SLC44A2: variants seen among roughly 807,000 people sequenced by gnomAD.
SLC44A2 encodes solute carrier family 44 member 2 (CTL2 blood group), also known as choline transporter-like protein 2.
In SLC44A2, 57 loss-of-function variants were observed where a neutral mutation model predicts 90.8. The observed-to-expected ratio is 0.63, with a 90% CI of 0.51 to 0.78. The LOEUF (loss-of-function observed/expected upper bound fraction) is 0.78, where lower values mean the gene tolerates loss of function less well. Ranked by LOEUF, SLC44A2 falls within the 30% of genes least tolerant of loss-of-function variation. The pLI is 0.00. For missense variants in SLC44A2, 794 were observed against 919.7 expected, an observed-to-expected ratio of 0.86 and a Z score of 1.77; for synonymous variants, 355 against 360.7, an observed-to-expected ratio of 0.98 and a Z score of 0.18.
At chr19:10,614,718 C>A (rs929065138) in intron 1 of SLC44A2, among the ~76,000 whole-genome samples, 1 of 151,980 alleles carries the variant, frequency 6.6e-6, no homozygotes, top group Non-Finnish European at 1.5e-5. Context: ...CGCCGATAAT[C>A]CCAGCACTTT....
chr19:10,610,757 A>G (rs562034272), intron 1 of SLC44A2, among the ~76,000 whole-genome samples: 98 of 143,954 alleles, frequency 6.8e-4, no homozygotes, highest in African/African-American at 2.6e-3. Flanking sequence ...CTCTGGCCTC[A>G]GCCTCCCGAG....
Position 10,635,049 on chromosome 19 carries a change from T to A in SLC44A2, c.1031T>A (p.Ile344Asn). The change falls in exon 12 of 22, where the codon ATT becomes AAT. Residue 344 changes from isoleucine to asparagine, a missense_variant. Coordinates refer to ENST00000335757, the MANE Select transcript of SLC44A2 (RefSeq NM_020428.4). ...IFLRKRILIA[I>N]ALIKEASRAV... The stretch of plus-strand genomic sequence containing the variant: ...CTCCGGAAGAGAATTCTCATCGCGA[T>A]TGCACTCATCAAAGAAGCCAGCAGG... 6.2e-7 allele frequency: 1 copy of A among 1,614,114 alleles called. No individual in the cohort carries two copies. The highest frequency in any genetic ancestry group is 8.5e-7 in the Non-Finnish European group (1 of 1,180,006).
rs1312861726 is a variant in SLC44A2 at position 10,609,887 on chromosome 19, C to T, written c.31+7326C>T. ...AGGGCACAATCTCGGCTGACTGCAG[C>T]CTCTGCCTCCTGGGTTCAAGTTATT... On this transcript the variant is annotated intron_variant, in intron 1 of 21. Coordinates refer to the SLC44A2 transcript ENST00000407327. Among the ~76,000 whole-genome samples, 3 of 152,044 alleles carry T rather than the reference C, an allele frequency of 2.0e-5. No individual in the cohort carries two copies. The East Asian group carries it at 5.8e-4, about 29-fold the overall frequency.
In SLC44A2 at chr19:10,635,200, C is replaced by G; in HGVS notation, c.1093C>G (p.Leu365Val). 1 of 1,614,110 alleles carries G rather than the reference C, an allele frequency of 6.2e-7. No homozygotes were observed. The highest frequency in any genetic ancestry group is 8.5e-7 in the Non-Finnish European group (1 of 1,180,032). The change falls in exon 13 of 22, where the codon CTG (leucine) becomes GTG (valine). Residue 365 changes from leucine to valine, a missense_variant. Leu to Val is a conservative substitution (Grantham distance 32). This residue lies in a region of SLC44A2 where 738 missense variants were observed against 841.1 expected (regional missense o/e 0.88). Transcript: ENST00000335757. ...GYVMCSLLYP[L>V]VTFFLLCLCI... ...CGTCATGTGCTCCTTGCTCTACCCA[C>G]TGGTCACCTTCTTCTTGCTGTGCCT...
intron 1 of SLC44A2, among the ~76,000 whole-genome samples, chr19:10,614,893 C>T (rs1459803312): frequency 6.6e-6 from 1 of 150,508 alleles, no homozygotes; most frequent in African/African-American, 2.4e-5. Flanking sequence ...ATCTCTTGAA[C>T]CCGGGAGGTA....
intron 1 of SLC44A2, among the ~76,000 whole-genome samples, chr19:10,605,343 C>T (rs35781735): frequency 0.2 from 30,722 of 151,846 alleles, 4,095 homozygotes; most frequent in Non-Finnish European, 0.3. Context: ...GGTGAATTCC[C>T]ATCTCTATTA....
At chr19:10,629,337 G>C (rs747064271) in intron 4 of SLC44A2, among the ~76,000 whole-genome samples, 1 of 150,502 alleles carries the variant, frequency 6.6e-6, no homozygotes, top group Non-Finnish European at 1.5e-5. Flanking sequence ...GAGTGCAGTG[G>C]CACAATCTCA....
rs1230124666 is a variant in SLC44A2, at chr19:10,627,734, T to A, written c.99T>A (p.Asp33Glu). 6.2e-7 allele frequency: 1 copy of A among 1,613,336 alleles called. No individual in the cohort carries two copies. Among genetic ancestry groups the A allele is most frequent in the African/African-American group, 1.3e-5 (1 of 74,896 alleles). ...CTCTGCTCCCCAGGGGCTGCACGGA[T>A]ATCATATGCTGTGTGTTCCTGCTCC... is the stretch of plus-strand genomic sequence containing the variant. The part of the protein sequence containing the change: ...KGPIYNRGCT[D>E]IICCVFLLLA... Residue 33 changes from aspartate to glutamate, a missense_variant, in exon 3 of 22, where the codon GAT (aspartate) becomes GAA (glutamate). Transcript: ENST00000335757.
intron 8 of SLC44A2, 56 bp from the exon 9 acceptor site, chr19:10,631,812 T>C: frequency 6.2e-7 from 1 of 1,614,070 alleles, no homozygotes; most frequent in South Asian, 1.1e-5. Context: ...CAATCCCCTG[T>C]GGTTGGCCTG....
At chr19:10,632,536 C>CAAA (rs1175919247) in intron 10 of SLC44A2, among the ~76,000 whole-genome samples, 1 of 73,506 alleles carries the variant, frequency 1.4e-5, no homozygotes, top group Non-Finnish European at 2.8e-5. Context: ...AACTCCATCT[C>CAAA]AAAAAAAAAA....
chr19:10,607,988 G>A (rs1049781580), intron 1 of SLC44A2, among the ~76,000 whole-genome samples: 2 of 150,706 alleles, frequency 1.3e-5, no homozygotes, highest in Non-Finnish European at 3.0e-5. Flanking sequence ...CTCGTGATCC[G>A]CCCCCGCCTC....
chr19:10,641,053 C>T, intron 20 of SLC44A2: 1 of 425,436 alleles, frequency 2.4e-6, no homozygotes, highest in Middle Eastern at 3.6e-4. Context: ...CACCACTGCA[C>T]TCCAGCCTGG....
chr19:10,637,911 T>C lies in SLC44A2; in HGVS notation c.1751T>C (p.Leu584Pro). ...TCGGCCAGGAATGCCTTCTTCCTGCTCATGAGAAACATCATCAGGTCGGGA... is the reference window on the plus strand; with the variant it reads ...TCGGCCAGGAATGCCTTCTTCCTGCCCATGAGAAACATCATCAGGTCGGGA... ...CTSARNAFFLLMRNIIRVAVL... is the reference protein window; with the variant it reads ...CTSARNAFFLPMRNIIRVAVL... Residue 584 changes from leucine (L) to proline (P), a missense_variant, in exon 18 of 22, where the codon CTC becomes CCC. Around this residue, in one of 3 missense-constraint regions of SLC44A2, gnomAD observed 738 missense variants for 841.1 expected, o/e 0.88. Transcript: ENST00000335757. The C allele has an allele frequency of 6.2e-7, 1 of 1,614,082 alleles. No individual in the cohort carries two copies. The highest frequency in any genetic ancestry group is 1.3e-5 in the African/African-American group (1 of 75,022).
At chr19:10,629,768 T>G (rs2066973996) in intron 4 of SLC44A2, among the ~76,000 whole-genome samples, 2 of 151,598 alleles carry the variant, frequency 1.3e-5, no homozygotes, top group Admixed American at 6.6e-5. Flanking sequence ...CTTTTTTTTT[T>G]TTTGAGACAG....
rs550829170 is a variant in SLC44A2, at chr19:10,634,916, C to G, written c.955+29C>G. On this transcript the variant is annotated intron_variant, in intron 11 of 21. Coordinates refer to ENST00000335757, the MANE Select transcript of SLC44A2 (RefSeq NM_020428.4). ...AGTCACAGTCTCCCATTCCTGCCCCCACATGAGGCCTTGGAGGGAGTGGGG... is the reference window on the plus strand; with the variant it reads ...AGTCACAGTCTCCCATTCCTGCCCCGACATGAGGCCTTGGAGGGAGTGGGG... 3.0e-5 allele frequency: 48 copies of G among 1,614,210 alleles called. No individual in the cohort carries two copies. The East Asian group carries it at 3.1e-4, about 10-fold the overall frequency.
rs1347680668 is a variant in SLC44A2, at chr19:10,644,239, GA to G, written c.*855del. On this transcript the variant is annotated 3_prime_UTR_variant, in exon 22 of 22. Coordinates refer to ENST00000335757, the MANE Select transcript of SLC44A2 (RefSeq NM_020428.4). ...CACCCAAGGGATGATGTCAGGGGGA[GA>G]GGTGGAGGGCAGATGTCCTGGGCAA... The G allele has an allele frequency of 6.6e-6, 1 of 152,648 alleles. No individual in the cohort carries two copies. The highest frequency in any genetic ancestry group is 6.5e-5 in the Admixed American group (1 of 15,278). The allele number at this position is 152,648 out of a possible 1,614,324, so 9.5% of individuals were successfully genotyped here.
chr19:10,630,734 T>C (rs1190045122), intron 4 of SLC44A2, among the ~76,000 whole-genome samples: 2 of 151,016 alleles, frequency 1.3e-5, no homozygotes, highest in African/African-American at 4.9e-5. Context: ...TCGGGTGTGG[T>C]GGCTTACACC....
intron 10 of SLC44A2, among the ~76,000 whole-genome samples, 178 bp from the exon 11 acceptor site, chr19:10,634,578 C>T: frequency 6.6e-6 from 1 of 152,180 alleles, no homozygotes; most frequent in East Asian, 1.9e-4. Context: ...GAGCAGAGAC[C>T]TAAGGATGTG....
chr19:10,640,932 A>G (rs934533155), intron 20 of SLC44A2: 3 of 213,020 alleles, frequency 1.4e-5, no homozygotes, highest in Non-Finnish European at 2.9e-5. Flanking sequence ...TAAAAATACA[A>G]AAAAATTAGT....
Sources: gnomAD v4.1 joint callset for allele counts (sites outside exome capture counted in the v4.1 genomes callset) on GRCh38, gnomAD v4.1.1 for gene constraint, gnomAD v4.1.1 regional missense constraint, MANE v1.5 for transcripts, NCBI Gene and HGNC (gene_info 2026-07-23, HGNC 2026-07-21) for gene names.